The following TEX9 variants were observed in gnomAD, a reference collection of about 807,000 sequenced individuals.
TEX9 encodes the protein testis-expressed protein 9.
Under a neutral mutation model 59.6 loss-of-function variants are expected in TEX9, and 74 were observed. That is an observed-to-expected ratio of 1.24 (90% CI 1.03 to 1.51). TEX9 has a LOEUF of 1.51. Among genes scored for constraint, TEX9 ranks in the 40% most tolerant of loss-of-function variants. TEX9 has a pLI of 0.00. For missense variants in TEX9, 522 were observed against 447.8 expected (o/e 1.17, Z -1.49); for synonymous variants, 186 against 152.2 (o/e 1.22, Z -1.64).
Position 56,346,362 on chromosome 15 carries a change from G to A in TEX9, c.-106-27079G>A, listed in dbSNP as rs552442670. Among the ~76,000 whole-genome samples the A allele has an allele frequency of 2.0e-5, 3 of 152,296 alleles. No homozygotes were observed. In the South Asian group the frequency reaches 6.2e-4, roughly 32 times the overall value. On this transcript the variant is annotated intron_variant, in intron 1 of 5. Transcript: ENST00000560827. ...AAGCTGTGTCTGAGCTAAGATGGGTGTCTGGCTCTTACTAGGGATGGGCTG... is the reference window on the plus strand; with the variant it reads ...AAGCTGTGTCTGAGCTAAGATGGGTATCTGGCTCTTACTAGGGATGGGCTG...
intron 1 of TEX9, among the ~76,000 whole-genome samples, chr15:56,331,561 C>A: frequency 6.6e-6 from 1 of 151,778 alleles, no homozygotes; most frequent in Non-Finnish European, 1.5e-5. Context: ...ACAAGTAGGT[C>A]AATAAAGAGA....
chr15:56,305,930 A>G (rs75936781), intron 1 of TEX9, among the ~76,000 whole-genome samples: 3,187 of 152,312 alleles, frequency 0.021, 55 homozygotes, highest in Non-Finnish European at 0.031. Flanking sequence ...AAAGAGAAAA[A>G]AATGTAATAA....
intron 5 of TEX9, among the ~76,000 whole-genome samples, chr15:56,388,879 A>G (rs1351841903): frequency 6.6e-6 from 1 of 152,072 alleles, no homozygotes; most frequent in Non-Finnish European, 1.5e-5. Context: ...GTTCATTTAA[A>G]TAGTGACAGT....
At chr15:56,316,249 T>A (rs1185673957) in intron 1 of TEX9, among the ~76,000 whole-genome samples, 21 of 151,608 alleles carry the variant, frequency 1.4e-4, no homozygotes, top group Admixed American at 9.9e-4. Flanking sequence ...GTTTCCAGTT[T>A]TTCTGTTCTG....
intron 1 of TEX9, among the ~76,000 whole-genome samples, chr15:56,357,238 G>A (rs2046701911): frequency 1.3e-5 from 2 of 152,066 alleles, no homozygotes; most frequent in African/African-American, 4.8e-5. Flanking sequence ...TCATTATAAT[G>A]GGGCTTATCA....
At chr15:56,303,354 G>C (rs2045405109) in intron 1 of TEX9, among the ~76,000 whole-genome samples, 1 of 152,026 alleles carries the variant, frequency 6.6e-6, no homozygotes, top group Non-Finnish European at 1.5e-5. Context: ...ATAATATCAA[G>C]TATCTGACCA....
At chr15:56,311,669 T>G (rs1404872749) in intron 1 of TEX9, among the ~76,000 whole-genome samples, 2 of 146,934 alleles carry the variant, frequency 1.4e-5, no homozygotes, top group African/African-American at 5.0e-5. Context: ...AGTAATGGGA[T>G]GGCTGGGTCA....
chr15:56,426,148 C>G (rs1457304808), intron 10 of TEX9, among the ~76,000 whole-genome samples: 2 of 152,116 alleles, frequency 1.3e-5, no homozygotes, highest in Non-Finnish European at 2.9e-5. Context: ...AGCTTCCAAC[C>G]TGATATCCAA....
intron 1 of TEX9, among the ~76,000 whole-genome samples, chr15:56,309,562 T>C (rs557730755): frequency 2.0e-5 from 3 of 152,250 alleles, no homozygotes; most frequent in African/African-American, 7.2e-5. Flanking sequence ...ATGGTGGTAA[T>C]GAATGAATTG....
chr15:56,292,130 G>C (rs2045108847), intron 1 of TEX9, among the ~76,000 whole-genome samples: 1 of 152,240 alleles, frequency 6.6e-6, no homozygotes, highest in African/African-American at 2.4e-5. Context: ...GGATACATGG[G>C]TTCAGGAATG....
chr15:56,394,784 G>A, exon 9 of TEX9: 1 of 1,612,994 alleles, frequency 6.2e-7, no homozygotes, highest in Non-Finnish European at 8.5e-7. Context: ...TTTCGAAGAA[G>A]CAAACAAAAA....
chr15:56,340,462 T>G (rs1269327954), intron 1 of TEX9, among the ~76,000 whole-genome samples: 1 of 152,208 alleles, frequency 6.6e-6, no homozygotes, highest in Non-Finnish European at 1.5e-5. Flanking sequence ...AGGAACATAA[T>G]TAGTTAACTG....
At chr15:56,421,408 G>A (rs1450277958) in intron 10 of TEX9, 2 of 151,988 alleles carry the variant, frequency 1.3e-5, no homozygotes, top group Admixed American at 6.5e-5. Context: ...TCATCTTTGA[G>A]AATCATGTCA....
At chr15:56,392,218 G>A (rs1157771128) in intron 7 of TEX9, among the ~76,000 whole-genome samples, 1 of 152,146 alleles carries the variant, frequency 6.6e-6, no homozygotes, top group Non-Finnish European at 1.5e-5. Context: ...AGAAATACCT[G>A]AGACTGTGTA....
intron 1 of TEX9, among the ~76,000 whole-genome samples, chr15:56,289,992 G>A (rs916537557): frequency 6.6e-6 from 1 of 152,258 alleles, no homozygotes; most frequent in South Asian, 2.1e-4. Flanking sequence ...TGTGGCCATG[G>A]GAAGCAAGGG....
intron 1 of TEX9, among the ~76,000 whole-genome samples, chr15:56,251,422 A>G (rs2141296987): frequency 6.6e-6 from 1 of 152,288 alleles, no homozygotes; most frequent in East Asian, 1.9e-4. Flanking sequence ...ATTTGACACC[A>G]TGACAATCAA....
chr15:56,370,720 T>C (rs1423635488), intron 2 of TEX9, among the ~76,000 whole-genome samples: 2 of 152,250 alleles, frequency 1.3e-5, no homozygotes, highest in Non-Finnish European at 2.9e-5. Flanking sequence ...GAGTACTCTC[T>C]TTAAAATTCT....
At chr15:56,270,275 G>T (rs2044496324) in intron 1 of TEX9, among the ~76,000 whole-genome samples, 6 of 152,128 alleles carry the variant, frequency 3.9e-5, no homozygotes, top group Admixed American at 3.9e-4. Context: ...TATTCTGTGG[G>T]AGTCTAAGTC....
At chr15:56,269,805 C>A (rs2044481598) in intron 1 of TEX9, among the ~76,000 whole-genome samples, 1 of 151,990 alleles carries the variant, frequency 6.6e-6, no homozygotes, top group Non-Finnish European at 1.5e-5. Flanking sequence ...AGGCGTGCAC[C>A]ACCTACACCT....
Sources: allele counts gnomAD v4.1 joint callset (sites outside exome capture counted in the v4.1 genomes callset), GRCh38; gene constraint gnomAD v4.1.1; transcripts MANE v1.5; gene names NCBI Gene and HGNC (gene_info 2026-07-23, HGNC 2026-07-21).